TDP1: variants seen among roughly 807,000 people sequenced by gnomAD.
TDP1 encodes tyr-DNA phosphodiesterase 1.
Under a neutral mutation model 81.5 loss-of-function variants are expected in TDP1, and 64 were observed. The observed-to-expected ratio is 0.79, with a 90% CI of 0.64 to 0.97. The LOEUF is 0.97. Among genes scored for constraint, TDP1 ranks in the 50% least tolerant of loss-of-function variants. TDP1 has a pLI of 0.00. For synonymous variants in TDP1, 256 were observed against 264.3 expected, an observed-to-expected ratio of 0.97 and a Z score of 0.30; for missense variants, 723 against 743.8, an observed-to-expected ratio of 0.97 and a Z score of 0.33.
At chr14:89,968,917 A>G (rs1157084721) in intron 5 of TDP1, among the ~76,000 whole-genome samples, 1 of 152,238 alleles carries the variant, frequency 6.6e-6, no homozygotes, top group Admixed American at 6.5e-5. Flanking sequence ...TAGAGCCCTT[A>G]CAAAGGTAAT....
chr14:89,970,889 A>C (rs1893549542), intron 5 of TDP1: 1 of 383,524 alleles, frequency 2.6e-6, no homozygotes, highest in African/African-American at 2.2e-5. Flanking sequence ...CCCAGGCTGG[A>C]GTGCAGTGGC....
intron 10 of TDP1, 167 bp from the exon 11 acceptor site, chr14:89,988,738 T>A (rs1315167880): frequency 6.1e-6 from 6 of 983,418 alleles, no homozygotes; most frequent in Non-Finnish European, 7.2e-6. Flanking sequence ...TTAAAAAAAA[T>A]TTCCCAAAGA....
intron 5 of TDP1, among the ~76,000 whole-genome samples, chr14:89,970,172 G>A (rs1392307938): frequency 2.0e-5 from 3 of 152,162 alleles, no homozygotes; most frequent in Non-Finnish European, 4.4e-5. Context: ...CACCGCGCCT[G>A]GCCGAAATAT....
chr14:90,038,327 A>T (rs1888020657), intron 16 of TDP1, among the ~76,000 whole-genome samples: 1 of 152,178 alleles, frequency 6.6e-6, no homozygotes, highest in Non-Finnish European at 1.5e-5. Flanking sequence ...ATCCTCCAAA[A>T]GGTTTTAAAA....
intron 2 of TDP1, among the ~76,000 whole-genome samples, chr14:89,959,619 G>A (rs1312781320): frequency 6.6e-6 from 1 of 152,154 alleles, no homozygotes; most frequent in African/African-American, 2.4e-5. Context: ...ACTTTATAGA[G>A]CAGAACCCCA....
intron 7 of TDP1, among the ~76,000 whole-genome samples, chr14:89,979,033 G>T (rs761207388): frequency 2.0e-5 from 3 of 150,908 alleles, no homozygotes; most frequent in Non-Finnish European, 2.9e-5. Context: ...GAGAGAGCCA[G>T]TGGTTCACTT....
intron 8 of TDP1, chr14:89,982,990 C>T: frequency 2.6e-6 from 1 of 387,336 alleles, no homozygotes; most frequent in Non-Finnish European, 5.1e-6. Flanking sequence ...CCAAAGCTCA[C>T]AGTAAAGAAT....
chr14:90,028,949 C>T (rs1262207843), intron 15 of TDP1, among the ~76,000 whole-genome samples: 1 of 152,090 alleles, frequency 6.6e-6, no homozygotes, highest in Non-Finnish European at 1.5e-5. Flanking sequence ...ACCTGAAACT[C>T]CATAAAAGTA....
At chr14:90,008,649 C>T (rs1884336171) in intron 14 of TDP1, among the ~76,000 whole-genome samples, 2 of 152,120 alleles carry the variant, frequency 1.3e-5, no homozygotes, top group South Asian at 4.1e-4. Flanking sequence ...ATATTAGCTG[C>T]CATTATTAGC....
At chr14:90,032,983 C>A in intron 15 of TDP1, 123 bp from the exon 16 acceptor site, 1 of 1,160,498 alleles carries the variant, frequency 8.6e-7, no homozygotes, top group Non-Finnish European at 1.2e-6. Context: ...GAAAATACCT[C>A]CAAAATAATT....
chr14:89,972,299 G>A (rs1738254197), intron 6 of TDP1, among the ~76,000 whole-genome samples: 1 of 152,050 alleles, frequency 6.6e-6, no homozygotes, highest in African/African-American at 2.4e-5. Context: ...AAGAGAGGGG[G>A]AAGAGCTACA....
intron 16 of TDP1, among the ~76,000 whole-genome samples, chr14:90,038,556 G>A (rs1352472457): frequency 6.6e-6 from 1 of 152,182 alleles, no homozygotes; most frequent in African/African-American, 2.4e-5. Flanking sequence ...TTGTTGGTAT[G>A]GCTGGATGTG....
At chr14:90,002,777 G>C (rs1368939780) in intron 14 of TDP1, among the ~76,000 whole-genome samples, 2 of 151,786 alleles carry the variant, frequency 1.3e-5, no homozygotes, top group African/African-American at 4.8e-5. Context: ...GGAGGCTGAG[G>C]TGGGAAGATA....
chr14:89,986,111 C>T (rs1202729360), intron 10 of TDP1, among the ~76,000 whole-genome samples: 2 of 152,222 alleles, frequency 1.3e-5, no homozygotes, highest in African/African-American at 4.8e-5. Flanking sequence ...TAAGAATTTT[C>T]CCTTGGTTAA....
intron 14 of TDP1, among the ~76,000 whole-genome samples, chr14:90,003,436 CA>C (rs1256452854): frequency 2.6e-5 from 4 of 152,188 alleles, no homozygotes; most frequent in African/African-American, 9.7e-5. Context: ...ATTTCCCTCC[CA>C]TCTGTTTTGA....
chr14:89,974,787 G>A (rs1775361351), intron 6 of TDP1, among the ~76,000 whole-genome samples: 1 of 152,202 alleles, frequency 6.6e-6, no homozygotes, highest in African/African-American at 2.4e-5. Context: ...TGTGAAGGCA[G>A]GATTTGAGCC....
At chr14:90,013,463 G>A (rs186491881) in intron 14 of TDP1, among the ~76,000 whole-genome samples, 3 of 152,228 alleles carry the variant, frequency 2.0e-5, no homozygotes, top group East Asian at 1.9e-4. Context: ...CCCTGCACAC[G>A]CTCTCTTGCC....
chr14:89,977,257 T>C (rs1894445146), intron 7 of TDP1, among the ~76,000 whole-genome samples: 1 of 152,252 alleles, frequency 6.6e-6, no homozygotes, highest in Non-Finnish European at 1.5e-5. Context: ...TTGTAGAAGA[T>C]TGAGCTCGTG....
chr14:89,989,849 A>C, intron 12 of TDP1, 84 bp downstream of exon 12: 2 of 1,048,690 alleles, frequency 1.9e-6, no homozygotes, highest in South Asian at 2.6e-5. Flanking sequence ...ATTGCGTAGA[A>C]ATTTGGAGAT....
Sources: allele counts gnomAD v4.1 joint callset (sites outside exome capture counted in the v4.1 genomes callset), GRCh38; gene constraint gnomAD v4.1.1; transcripts MANE v1.5; gene names NCBI Gene and HGNC (gene_info 2026-07-23, HGNC 2026-07-21).